Variants in PCLO observed in about 807,000 individuals in gnomAD.
PCLO encodes protein piccolo.
In PCLO, 82 loss-of-function variants were observed where a neutral mutation model predicts 427.5. The ratio of observed to expected loss-of-function variants is 0.19; its 90% CI spans 0.16 to 0.23. The LOEUF (loss-of-function observed/expected upper bound fraction) is 0.23. PCLO is among the 10% of genes least tolerant of loss of function. PCLO has a pLI of 1.00. For missense variants in PCLO, 6,239 were observed against 6,115.9 expected (o/e 1.02, Z -0.67); for synonymous variants, 2,357 against 2,155.4 (o/e 1.09, Z -2.59).
intron 2 of PCLO, among the ~76,000 whole-genome samples, chr7:83,151,963 CTTT>C (rs533840622): frequency 6.9e-6 from 1 of 144,242 alleles, no homozygotes. Flanking sequence ...TACAAACTTA[CTTT>C]TTTTTTTTTT....
intron 20 of PCLO, chr7:82,820,482 G>T (rs1791765342): frequency 8.4e-7 from 1 of 1,189,108 alleles, no homozygotes; most frequent in Non-Finnish European, 1.0e-6. Flanking sequence ...AGTAGTTTAT[G>T]AATGAAATAA....
In PCLO at chr7:82,958,483, A is replaced by T. The variant is rs368486264; in HGVS notation, c.4018-1548T>A. ...TCATTTTACATTCATTTTCATCTAA[A>T]TATATACCTTTATTATGCATGGTCA... On this transcript the variant is annotated intron_variant, in intron 4 of 24. Coordinates refer to ENST00000333891, the MANE Select transcript of PCLO (RefSeq NM_033026.6). Among the ~76,000 whole-genome samples the T allele has an allele frequency of 2.2e-4, 34 of 152,146 alleles. No homozygotes were observed. The East Asian group carries it at 5.0e-3, about 23-fold the overall frequency.
At chr7:82,769,924 C>T (rs1414278896) in intron 22 of PCLO, among the ~76,000 whole-genome samples, 2 of 152,062 alleles carry the variant, frequency 1.3e-5, no homozygotes, top group Non-Finnish European at 2.9e-5. Context: ...TGGCTTCTAG[C>T]CCCGTGAGAT....
At chr7:83,117,714 A>G (rs1016357552) in intron 3 of PCLO, among the ~76,000 whole-genome samples, 1 of 152,212 alleles carries the variant, frequency 6.6e-6, no homozygotes, top group East Asian at 1.9e-4. Context: ...ACAGATGCAA[A>G]TATGCTGATG....
chr7:82,839,563 A>T (rs1232816479), intron 14 of PCLO, among the ~76,000 whole-genome samples: 1 of 152,112 alleles, frequency 6.6e-6, no homozygotes, highest in Non-Finnish European at 1.5e-5. Context: ...AATAACCTGT[A>T]ATTAATACCA....
At chr7:82,879,490 G>C in intron 9 of PCLO, 28 bp from the exon 10 acceptor site, 1 of 1,511,746 alleles carries the variant, frequency 6.6e-7, no homozygotes, top group South Asian at 1.2e-5. Context: ...CAAATTATTA[G>C]TACTAATTTA....
intron 22 of PCLO, among the ~76,000 whole-genome samples, chr7:82,792,901 T>G (rs1791135792): frequency 6.6e-6 from 1 of 152,218 alleles, no homozygotes; most frequent in Non-Finnish European, 1.5e-5. Context: ...AACTAACATT[T>G]GGAATTTATA....
At chr7:82,781,046 A>T (rs1790861557) in intron 22 of PCLO, among the ~76,000 whole-genome samples, 1 of 152,212 alleles carries the variant, frequency 6.6e-6, no homozygotes, top group Admixed American at 6.5e-5. Flanking sequence ...ACTATTTTTA[A>T]ATAATCAAAA....
chr7:82,835,933 A>G (rs1792222090), intron 15 of PCLO, among the ~76,000 whole-genome samples: 1 of 152,252 alleles, frequency 6.6e-6, no homozygotes, highest in Non-Finnish European at 1.5e-5. Context: ...GATTAAAAGA[A>G]AGACCCAGGA....
At chr7:83,090,630 C>T (rs903321251) in intron 3 of PCLO, among the ~76,000 whole-genome samples, 3 of 152,006 alleles carry the variant, frequency 2.0e-5, no homozygotes, top group African/African-American at 7.2e-5. Context: ...ATTCAAAACA[C>T]ACAAATCTGT....
At chr7:82,783,359 A>C (rs1790914573) in intron 22 of PCLO, among the ~76,000 whole-genome samples, 1 of 152,242 alleles carries the variant, frequency 6.6e-6, no homozygotes, top group Admixed American at 6.5e-5. Context: ...TTACGCCTGT[A>C]ATCCCAGCCC....
intron 6 of PCLO, among the ~76,000 whole-genome samples, chr7:82,942,958 GAAT>G (rs575514860): frequency 4.6e-5 from 7 of 151,694 alleles, no homozygotes; most frequent in Non-Finnish European, 8.8e-5. Flanking sequence ...TTTTCAAAGA[GAAT>G]AATGAAAAAT....
In PCLO at chr7:83,162,724, G is replaced by A. The variant is rs1409432124; in HGVS notation, c.-132C>T. 2.5e-6 allele frequency: 3 copies of A among 1,209,526 alleles called. No individual in the cohort carries two copies. Among genetic ancestry groups the A allele is most frequent in the Non-Finnish European group, 3.3e-6 (3 of 895,944 alleles). The allele number at this position is 1,209,526 out of a possible 1,614,324, so 74.9% of individuals were successfully genotyped here. ...CAGGCAGCCGAGTCCCTGGACTCTG[G>A]ACCAGGCACTGCCGCCCGGAACGCC... is the stretch of plus-strand genomic sequence containing the variant. On this transcript the variant is annotated 5_prime_UTR_variant, in exon 1 of 25. Transcript: ENST00000333891.
rs1356012061 is a variant in PCLO, at chr7:82,915,840, A to G, written c.12146T>C (p.Ile4049Thr). The G allele has an allele frequency of 1.9e-6, 3 of 1,613,522 alleles. No individual in the cohort carries two copies. Among genetic ancestry groups the G allele is most frequent in the Non-Finnish European group, 2.5e-6 (3 of 1,179,728 alleles). ...TTTGGTGATCTCTCCAATGTCGTCAATTAGGACATAATTTCGTGGAGTATG... is the reference window on the plus strand; with the variant it reads ...TTTGGTGATCTCTCCAATGTCGTCAGTTAGGACATAATTTCGTGGAGTATG... ...DHHTPRNYVL[I>T]DDIGEITKGT... The change falls in exon 7 of 25, where the codon ATT (isoleucine) becomes ACT (threonine). Residue 4049 changes from isoleucine (I) to threonine (T), a missense_variant. Transcript: ENST00000333891.
At chr7:82,957,103 G>A (rs117639855) in intron 4 of PCLO, among the ~76,000 whole-genome samples, 168 bp from the exon 5 acceptor site, 30 of 152,188 alleles carry the variant, frequency 2.0e-4, no homozygotes, top group East Asian at 9.7e-4. Context: ...GTTGATATGC[G>A]TTGGTAAGGT....
chr7:82,835,090 G>A (rs1274164787), intron 16 of PCLO, among the ~76,000 whole-genome samples: 2 of 151,894 alleles, frequency 1.3e-5, no homozygotes, highest in Non-Finnish European at 2.9e-5. Context: ...GACTATAGGT[G>A]TCCGCCACCA....
At chr7:83,124,208 T>A (rs1190589842) in intron 3 of PCLO, among the ~76,000 whole-genome samples, 2 of 149,968 alleles carry the variant, frequency 1.3e-5, no homozygotes, top group African/African-American at 4.9e-5. Context: ...TCCCAGCTAC[T>A]CGGAAGGCTG....
At chr7:82,796,759 C>A (rs541468987) in intron 22 of PCLO, among the ~76,000 whole-genome samples, 15 of 148,928 alleles carry the variant, frequency 1.0e-4, no homozygotes, top group African/African-American at 3.7e-4. Flanking sequence ...CCTGGCTGTA[C>A]ACACCTGGTT....
chr7:82,854,838 A>G (rs1440213612), intron 10 of PCLO, among the ~76,000 whole-genome samples: 1 of 152,188 alleles, frequency 6.6e-6, no homozygotes, highest in Non-Finnish European at 1.5e-5. Context: ...TCACTCTCAA[A>G]TTTTGTGAAG....
Sources: gnomAD v4.1 joint callset for allele counts (sites outside exome capture counted in the v4.1 genomes callset) on GRCh38, gnomAD v4.1.1 for gene constraint, MANE v1.5 for transcripts, NCBI Gene and HGNC (gene_info 2026-07-23, HGNC 2026-07-21) for gene names.